Variants in GFM2 observed in about 807,000 individuals in gnomAD.
GFM2 encodes the protein GTP dependent ribosome recycling factor mitochondrial 2.
GFM2 carries 72 observed loss-of-function variants against 95.4 expected under a neutral mutation model. That is an observed-to-expected ratio of 0.76 (90% CI 0.62 to 0.92). The LOEUF is 0.92. Among genes scored for constraint, GFM2 ranks in the 40% least tolerant of loss-of-function variants. GFM2 has a pLI of 0.00. For missense variants in GFM2, 825 were observed against 924.1 expected, an observed-to-expected ratio of 0.89 and a Z score of 1.39; for synonymous variants, 276 against 317.5, an observed-to-expected ratio of 0.87 and a Z score of 1.39.
At position 74,726,024 on chromosome 5, in the gene GFM2, TCAAAC is replaced by T; in HGVS notation, c.1824_1828del (p.Phe609ValfsTer3). 1 of 924,972 alleles carries T rather than the reference TCAAAC, an allele frequency of 1.1e-6. No homozygotes were observed. The highest frequency in any genetic ancestry group is 1.4e-6 in the Non-Finnish European group (1 of 710,298). 57.3% of individuals were successfully genotyped at this position (924,972 alleles called of 1,614,324 possible). ...GCCTTCATTGATACTTTCAGCATAC[TCAAAC>T]TCAATCACAGGCATAACAGATGATG... is the stretch of plus-strand genomic sequence containing the variant. On this transcript the variant is annotated frameshift_variant, in exon 18 of 21. Coordinates refer to ENST00000296805, the MANE Select transcript of GFM2 (RefSeq NM_032380.5). LOFTEE classifies it high-confidence loss of function.
intron 19 of GFM2, among the ~76,000 whole-genome samples, chr5:74,724,359 T>C (rs530236239): frequency 8.9e-4 from 136 of 152,088 alleles, no homozygotes; most frequent in African/African-American, 3.1e-3. Context: ...GGGATGGGCA[T>C]GGTGGCTTAC....
chr5:74,749,197 T>C (rs1192522957), intron 7 of GFM2, among the ~76,000 whole-genome samples: 1 of 151,846 alleles, frequency 6.6e-6, no homozygotes, highest in Non-Finnish European at 1.5e-5. Flanking sequence ...TTGTATTTTA[T>C]AAAGATGGGG....
chr5:74,735,537 A>C (rs1307038522), intron 15 of GFM2, among the ~76,000 whole-genome samples: 3 of 152,190 alleles, frequency 2.0e-5, no homozygotes, highest in African/African-American at 7.2e-5. Flanking sequence ...GTCCTTAAAC[A>C]AACAGTCTAA....
At chr5:74,752,762 T>C (rs1743782027) in intron 5 of GFM2, among the ~76,000 whole-genome samples, 1 of 152,194 alleles carries the variant, frequency 6.6e-6, no homozygotes, top group Non-Finnish European at 1.5e-5. Flanking sequence ...GGCTATGGTC[T>C]GAACTAGAAA....
intron 8 of GFM2, among the ~76,000 whole-genome samples, chr5:74,747,099 A>T (rs1281632501): frequency 6.6e-6 from 1 of 152,082 alleles, no homozygotes; most frequent in Admixed American, 6.6e-5. Context: ...AAATCTTTCA[A>T]ATATTCTTGA....
rs775709265 is a variant in GFM2, at chr5:74,740,009, T to C, written c.1059A>G (p.Glu353=). The change falls in exon 12 of 21, where the codon GAA becomes GAG. Residue 353 remains glutamate, a synonymous_variant. Coordinates refer to ENST00000296805, the MANE Select transcript of GFM2 (RefSeq NM_032380.5). ...CTTACAGAAATTCATAGTTACGCTC[T>C]TCAGGTGAAGGTAAGTACATAGTAA... is the stretch of plus-strand genomic sequence containing the variant. ...DAVTMYLPSP[E]ERNYEFLQWY... The C allele has an allele frequency of 3.2e-6, 5 of 1,567,368 alleles. No homozygotes were observed. The Admixed American group carries it at 7.9e-5, about 25-fold the overall frequency.
At chr5:74,731,093 G>A (rs370908205) in intron 16 of GFM2, among the ~76,000 whole-genome samples, 4 of 152,192 alleles carry the variant, frequency 2.6e-5, no homozygotes, top group African/African-American at 9.7e-5. Context: ...GATTACAGGC[G>A]TGAGCCACCG....
chr5:74,722,536 ACTTG>A lies in GFM2; in HGVS notation c.2050_2053del (p.Gln684PhefsTer5), dbSNP rs756664066. 3 of 1,613,028 alleles carry A rather than the reference ACTTG, an allele frequency of 1.9e-6. No homozygotes were observed. Among genetic ancestry groups the A allele is most frequent in the Non-Finnish European group, 2.5e-6 (3 of 1,179,706 alleles). On this transcript the variant is annotated frameshift_variant, in exon 20 of 21. Coordinates refer to ENST00000296805, the MANE Select transcript of GFM2 (RefSeq NM_032380.5). LOFTEE classifies it high-confidence loss of function. Reference sequence around the variant, plus strand: ...CTCAAGATTCATCAGAGGCTCCAAAACTTGCTTATCAGCTTTCTTCAGAGCCTAA... The same window carrying A: ...CTCAAGATTCATCAGAGGCTCCAAAACTTATCAGCTTTCTTCAGAGCCTAA...
intron 1 of GFM2, among the ~76,000 whole-genome samples, chr5:74,764,176 A>G (rs1435849824): frequency 2.0e-5 from 3 of 152,234 alleles, no homozygotes; most frequent in Admixed American, 2.0e-4. Flanking sequence ...TCATTTGTAT[A>G]CTCTGATTTT....
chr5:74,759,980 G>T (rs1392300154), intron 3 of GFM2, among the ~76,000 whole-genome samples: 1 of 151,996 alleles, frequency 6.6e-6, no homozygotes, highest in African/African-American at 2.4e-5. Context: ...CTTTTGAAAG[G>T]CCAAGCAGTA....
At chr5:74,750,784 T>C in intron 6 of GFM2, 117 bp from the exon 7 acceptor site, 1 of 675,808 alleles carries the variant, frequency 1.5e-6, no homozygotes, top group Non-Finnish European at 2.6e-6. Flanking sequence ...TGTATATATA[T>C]AAAGGTATTG....
At position 74,735,908 on chromosome 5, in the gene GFM2, C is replaced by T. The variant is rs1742809941; in HGVS notation, c.1510+888G>A. ...CTGCCTACTTAAAAGGCTGCTTTTA[C>T]CAGACTTCCTTGCAACAGGCTGCCA... On this transcript the variant is annotated intron_variant, in intron 15 of 20. Coordinates refer to ENST00000296805, the MANE Select transcript of GFM2 (RefSeq NM_032380.5). Among the ~76,000 whole-genome samples, 2 of 152,158 alleles carry T rather than the reference C, an allele frequency of 1.3e-5. 1 individual carries two copies. Among genetic ancestry groups the T allele is most frequent in the South Asian group, 4.1e-4 (2 of 4,824 alleles).
Position 74,721,615 on chromosome 5 carries a change from A to G in GFM2, c.*40T>C, listed in dbSNP as rs1749881576. 1 of 1,596,990 alleles carries G rather than the reference A, an allele frequency of 6.3e-7. No homozygotes were observed. The stretch of plus-strand genomic sequence containing the variant: ...AAATTGTTCTTACTGAAAATGAAGT[A>G]GCTAGGTGCTCCTGAATTTCTCTCC... On this transcript the variant is annotated 3_prime_UTR_variant, in exon 21 of 21. Coordinates refer to ENST00000296805, the MANE Select transcript of GFM2 (RefSeq NM_032380.5).
At chr5:74,745,959 T>C (rs1743363788) in intron 9 of GFM2, 102 bp from the exon 10 acceptor site, 1 of 1,138,266 alleles carries the variant, frequency 8.8e-7, no homozygotes, top group Non-Finnish European at 1.3e-6. Flanking sequence ...AAAATGTCTA[T>C]TATCACCATT....
At position 74,721,693 on chromosome 5, in the gene GFM2, G is replaced by T; in HGVS notation, c.2302C>A (p.Gln768Lys). Residue 768 changes from glutamine (Q) to lysine (K), a missense_variant, in exon 21 of 21, where the codon CAA (glutamine) becomes AAA (lysine). By Grantham distance (53) the Gln-to-Lys change is moderately conservative. Coordinates refer to ENST00000296805, the MANE Select transcript of GFM2 (RefSeq NM_032380.5). ...CTTCTCCGGTTGAGCAGTGTATTTT[G>T]ATCTTGAGGATTCATGGCTTGATAA... is the stretch of plus-strand genomic sequence containing the variant. ...STYQAMNPQD[Q>K]NTLLNRRSGL... 6.2e-7 allele frequency: 1 copy of T among 1,613,618 alleles called. No homozygotes were observed. Among genetic ancestry groups the T allele is most frequent in the South Asian group, 1.1e-5 (1 of 90,876 alleles).
chr5:74,721,237 G>GTAAAATAAGATATTAGACTGTT lies in GFM2; in HGVS notation c.*396_*417dup. 3.1e-6 allele frequency: 4 copies of GTAAAATAAGATATTAGACTGTT among 1,278,258 alleles called. No individual in the cohort carries two copies. Among genetic ancestry groups the GTAAAATAAGATATTAGACTGTT allele is most frequent in the Non-Finnish European group, 4.6e-6 (4 of 875,178 alleles). 79.2% of individuals were successfully genotyped at this position (1,278,258 alleles called of 1,614,324 possible). A position where few individuals can be genotyped will look rare whatever the true frequency, so the allele number is the denominator to read the frequency against. ...ACAATCAACTTTATTTTGAAATCAT[G>GTAAAATAAGATATTAGACTGTT]TAAAATAAGATATTAGACTGTTTTT... On this transcript the variant is annotated 3_prime_UTR_variant, in exon 21 of 21. Transcript: ENST00000296805.
intron 19 of GFM2, among the ~76,000 whole-genome samples, chr5:74,724,000 C>A (rs567934871): frequency 2.6e-5 from 4 of 152,180 alleles, no homozygotes; most frequent in Admixed American, 1.3e-4. Flanking sequence ...ACAGATGACT[C>A]AATAAATACA....
At position 74,736,897 on chromosome 5, in the gene GFM2, C is replaced by G. The variant is rs781474974; in HGVS notation, c.1409G>C (p.Arg470Thr). Residue 470 changes from arginine (R) to threonine (T), a missense_variant, in exon 15 of 21, where the codon AGA becomes ACA. Arg to Thr is a moderately conservative substitution (Grantham distance 71). Coordinates refer to ENST00000296805, the MANE Select transcript of GFM2 (RefSeq NM_032380.5). ...RAEREGEKKH[R>T]QNNEAERLLL... is the part of the protein sequence containing the mutation. ...AAGTCTCTCTGCTTCATTGTTTTGT[C>G]TGTGCTTCTTTTCTCCCTCCCGTTC... 3 of 1,613,848 alleles carry G rather than the reference C, an allele frequency of 1.9e-6. No individual in the cohort carries two copies. Among genetic ancestry groups the G allele is most frequent in the Non-Finnish European group, 2.5e-6 (3 of 1,179,836 alleles).
chr5:74,758,713 T>C (rs1196207967), intron 5 of GFM2, 136 bp downstream of exon 5: 1 of 614,280 alleles, frequency 1.6e-6, no homozygotes, highest in Non-Finnish European at 3.0e-6. Context: ...TGCAACTATC[T>C]TATCTTTAAA....
Sources: gnomAD v4.1 joint callset for allele counts (sites outside exome capture counted in the v4.1 genomes callset) on GRCh38, gnomAD v4.1.1 for gene constraint, MANE v1.5 for transcripts, NCBI Gene and HGNC (gene_info 2026-07-23, HGNC 2026-07-21) for gene names.